Variants in RBFOX1 observed in about 807,000 individuals in gnomAD.
The protein encoded by RBFOX1 is RNA binding fox-1 homolog 1.
RBFOX1 carries 8 observed loss-of-function variants against 57.7 expected under a neutral mutation model. That is an observed-to-expected ratio of 0.14 (90% confidence interval 0.08 to 0.25). The LOEUF is 0.25. RBFOX1 is among the 10% of genes least tolerant of loss of function. The probability of loss-of-function intolerance (pLI) is 1.00; values close to 1 mark genes in which losing one functional copy is unlikely to be tolerated. For missense variants in RBFOX1, 611 were observed against 548.5 expected (o/e 1.11, Z -1.14); for synonymous variants, 326 against 222.4 (o/e 1.47, Z -4.15).
intron 3 of RBFOX1, among the ~76,000 whole-genome samples, chr16:6,812,951 G>C (rs1440679780): frequency 6.6e-6 from 1 of 151,998 alleles, no homozygotes; most frequent in Non-Finnish European, 1.5e-5. Context: ...GGGAGAATAG[G>C]GAAGTAAAGG....
intron 4 of RBFOX1, among the ~76,000 whole-genome samples, chr16:7,199,545 A>G (rs926569122): frequency 3.3e-5 from 5 of 152,300 alleles, no homozygotes; most frequent in Admixed American, 1.3e-4. Flanking sequence ...GAGGAATGGT[A>G]TCTACTTCCA....
At chr16:7,610,418 G>A (rs1454803799) in intron 10 of RBFOX1, among the ~76,000 whole-genome samples, 3 of 151,124 alleles carry the variant, frequency 2.0e-5, no homozygotes, top group East Asian at 1.9e-4. Context: ...GATTCCAATC[G>A]ACTGTCTCCT....
chr16:7,002,281 C>T (rs1220931072), intron 3 of RBFOX1, among the ~76,000 whole-genome samples: 3 of 152,216 alleles, frequency 2.0e-5, no homozygotes, highest in African/African-American at 7.2e-5. Flanking sequence ...TGGAACTTTG[C>T]AAGCATGTGA....
At chr16:5,458,361 T>A (rs958315631) in intron 1 of RBFOX1, among the ~76,000 whole-genome samples, 5 of 152,124 alleles carry the variant, frequency 3.3e-5, no homozygotes, top group African/African-American at 9.7e-5. Context: ...GTTGAGGGTC[T>A]GTGGATGGGT....
chr16:7,149,445 A>G (rs1219970644), intron 4 of RBFOX1, among the ~76,000 whole-genome samples: 2 of 150,658 alleles, frequency 1.3e-5, no homozygotes, highest in Admixed American at 1.3e-4. Flanking sequence ...GATTGGTGCA[A>G]GCTTCCTGTG....
At chr16:7,123,897 G>C (rs2067783040) in intron 4 of RBFOX1, among the ~76,000 whole-genome samples, 1 of 152,182 alleles carries the variant, frequency 6.6e-6, no homozygotes, top group Non-Finnish European at 1.5e-5. Flanking sequence ...GCCACAGTCT[G>C]CAGTGGAGAA....
chr16:6,700,484 C>G (rs982196024), intron 3 of RBFOX1, among the ~76,000 whole-genome samples: 1 of 151,860 alleles, frequency 6.6e-6, no homozygotes, highest in Non-Finnish European at 1.5e-5. Flanking sequence ...ATGGTGAAAC[C>G]CTGTCTCTAC....
Position 6,375,083 on chromosome 16 carries a change from G to A in RBFOX1, c.-64+58026G>A, listed in dbSNP as rs74007313. Among the ~76,000 whole-genome samples, 434 of 152,282 alleles carry A rather than the reference G, an allele frequency of 2.8e-3. 4 individuals carry two copies. The highest frequency in any genetic ancestry group is 9.4e-3 in the African/African-American group (392 of 41,556). ...CAGGTCCAACTTTAAAACGTTTGCA[G>A]GCTAATGGGAGTGTGTGCACAGGGA... On this transcript the variant is annotated intron_variant, in intron 2 of 15. Coordinates refer to ENST00000550418, the MANE Select transcript of RBFOX1 (RefSeq NM_018723.4).
intron 10 of RBFOX1, among the ~76,000 whole-genome samples, chr16:7,629,162 T>G (rs891945502): frequency 6.6e-6 from 1 of 152,020 alleles, no homozygotes; most frequent in Admixed American, 6.6e-5. Context: ...CTGGGCTGCT[T>G]CTCCCTGGGA....
chr16:6,555,766 G>A (rs1475212508), intron 2 of RBFOX1, among the ~76,000 whole-genome samples: 4 of 152,118 alleles, frequency 2.6e-5, no homozygotes. Context: ...GTTTATCTCT[G>A]TTTAGTTACG....
intron 3 of RBFOX1, among the ~76,000 whole-genome samples, chr16:6,869,915 ATTAC>A (rs1259333013): frequency 1.3e-5 from 2 of 152,160 alleles, no homozygotes; most frequent in Non-Finnish European, 2.9e-5. Flanking sequence ...AAAGCCATAA[ATTAC>A]TTATATCATC....
intron 2 of RBFOX1, among the ~76,000 whole-genome samples, chr16:6,379,464 G>A (rs148521532): frequency 2.7e-4 from 41 of 151,930 alleles, no homozygotes; most frequent in East Asian, 9.7e-4. Flanking sequence ...CACCCTACCC[G>A]CATGAGAAGG....
chr16:6,604,105 C>G (rs529103115), intron 2 of RBFOX1, among the ~76,000 whole-genome samples: 3 of 152,174 alleles, frequency 2.0e-5, no homozygotes, highest in South Asian at 4.1e-4. Flanking sequence ...TCTACCCCAT[C>G]TGCTTCTCTC....
chr16:7,089,135 C>T (rs1454802800), intron 4 of RBFOX1, among the ~76,000 whole-genome samples: 2 of 152,140 alleles, frequency 1.3e-5, no homozygotes, highest in Non-Finnish European at 2.9e-5. Flanking sequence ...TCCATTTCCA[C>T]CCGGTTTAGT....
chr16:5,373,658 G>C (rs1437547914), intron 1 of RBFOX1, among the ~76,000 whole-genome samples: 1 of 151,604 alleles, frequency 6.6e-6, no homozygotes, highest in Non-Finnish European at 1.5e-5. Context: ...AGGCTGGTGT[G>C]CGGTGGTGCG....
chr16:6,762,503 C>T (rs1037512445), intron 3 of RBFOX1, among the ~76,000 whole-genome samples: 1 of 152,060 alleles, frequency 6.6e-6, no homozygotes, highest in Non-Finnish European at 1.5e-5. Context: ...TTATGGCTCA[C>T]CAGTGTTACC....
intron 3 of RBFOX1, among the ~76,000 whole-genome samples, chr16:5,719,163 C>T (rs570402719): frequency 4.3e-4 from 65 of 151,140 alleles, no homozygotes; most frequent in Non-Finnish European, 6.5e-4. Context: ...AGCGTATCTA[C>T]GGAGTTGGAA....
intron 1 of RBFOX1, among the ~76,000 whole-genome samples, chr16:6,144,708 T>C (rs2096744455): frequency 6.6e-6 from 1 of 152,236 alleles, no homozygotes; most frequent in Admixed American, 6.5e-5. Context: ...AGGGGCCAGA[T>C]AGGTGTCTTT....
rs540722446 is a variant in RBFOX1, at chr16:7,241,941, C to A, written c.27+189843C>A. On this transcript the variant is annotated intron_variant, in intron 4 of 15. Coordinates refer to ENST00000550418, the MANE Select transcript of RBFOX1 (RefSeq NM_018723.4). ...TGCATATATACCTAAATATGTATAT[C>A]TGCATATGCGTGTGTATATATTTAA... Among the ~76,000 whole-genome samples, 7 of 152,158 alleles carry A rather than the reference C, an allele frequency of 4.6e-5. No individual in the cohort carries two copies. In the East Asian group the frequency reaches 1.4e-3, roughly 29 times the overall value.
Sources: gnomAD v4.1 joint callset for allele counts (sites outside exome capture counted in the v4.1 genomes callset) on GRCh38, gnomAD v4.1.1 for gene constraint, MANE v1.5 for transcripts, NCBI Gene and HGNC (gene_info 2026-07-23, HGNC 2026-07-21) for gene names.